Variants in RMND1 observed in about 807,000 individuals in gnomAD.
The protein encoded by RMND1 is required for meiotic nuclear division protein 1 homolog.
In RMND1, 41 loss-of-function variants were observed where a neutral mutation model predicts 54.0. The ratio of observed to expected loss-of-function variants is 0.76; its 90% confidence interval spans 0.59 to 0.98. The LOEUF is 0.98. RMND1 is among the 50% of genes least tolerant of loss of function. RMND1 has a pLI of 0.00. For synonymous variants in RMND1, 183 were observed against 181.7 expected, an observed-to-expected ratio of 1.01 and a Z score of -0.06; for missense variants, 457 against 532.0, an observed-to-expected ratio of 0.86 and a Z score of 1.39.
At chr6:151,450,182 G>A (rs1219204531) in intron 1 of RMND1, among the ~76,000 whole-genome samples, 1 of 149,090 alleles carries the variant, frequency 6.7e-6, no homozygotes, top group Non-Finnish European at 1.5e-5. Flanking sequence ...CTTCCCGGCC[G>A]CCATCCCATC....
At chr6:151,440,459 G>A (rs1031742916) in intron 2 of RMND1, among the ~76,000 whole-genome samples, 1 of 152,178 alleles carries the variant, frequency 6.6e-6, no homozygotes, top group Non-Finnish European at 1.5e-5. Context: ...CTATTTTTAT[G>A]AGAAAATATA....
intron 5 of RMND1, among the ~76,000 whole-genome samples, chr6:151,428,745 G>A (rs1486404382): frequency 2.0e-5 from 3 of 152,048 alleles, no homozygotes; most frequent in East Asian, 3.9e-4. Context: ...TGTTGTTCAG[G>A]CTGGTCTGGA....
chr6:151,412,847 A>G (rs570278181), intron 10 of RMND1, among the ~76,000 whole-genome samples: 1 of 152,294 alleles, frequency 6.6e-6, no homozygotes, highest in Non-Finnish European at 1.5e-5. Context: ...CACTGTCACA[A>G]GAACAGCACC....
intron 5 of RMND1, among the ~76,000 whole-genome samples, chr6:151,429,270 C>T (rs896585182): frequency 2.0e-5 from 3 of 151,928 alleles, no homozygotes; most frequent in African/African-American, 7.3e-5. Context: ...TACAGGTGTG[C>T]ACCACCACGC....
At position 151,433,164 on chromosome 6, in the gene RMND1, A is replaced by C. The variant is rs1184135079; in HGVS notation, c.680T>G (p.Phe227Cys). 1 of 1,609,138 alleles carries C rather than the reference A, an allele frequency of 6.2e-7. No homozygotes were observed. The highest frequency in any genetic ancestry group is 8.5e-7 in the Non-Finnish European group (1 of 1,176,390). Residue 227 changes from phenylalanine (F) to cysteine (C), a missense_variant, in exon 4 of 12, where the codon TTC (phenylalanine) becomes TGC (cysteine). Physicochemically the swap from Phe to Cys is radical, Grantham distance 205. Coordinates refer to ENST00000444024, the MANE Select transcript of RMND1 (RefSeq NM_017909.4). ...TTCTTTCCTGTCTTACCTGAAGAAG[A>C]ATATTGTTCCAGGATCACCTTCTTT... ...SAKEGDPGTI[F>C]FFREGAAVFW... is the part of the protein sequence containing the mutation.
intron 2 of RMND1, among the ~76,000 whole-genome samples, chr6:151,441,274 G>T (rs1409596054): frequency 6.6e-6 from 1 of 152,144 alleles, no homozygotes; most frequent in African/African-American, 2.4e-5. Flanking sequence ...CTTCTATAGT[G>T]ATATAATACA....
At chr6:151,423,886 C>T (rs1012092016) in intron 6 of RMND1, among the ~76,000 whole-genome samples, 1 of 151,118 alleles carries the variant, frequency 6.6e-6, no homozygotes, top group South Asian at 2.1e-4. Context: ...CTCACTCTGC[C>T]GCCCAGGCTA....
chr6:151,451,209 A>AC (rs1554348707), intron 1 of RMND1, among the ~76,000 whole-genome samples: 8 of 151,638 alleles, frequency 5.3e-5, no homozygotes, highest in Non-Finnish European at 1.2e-4. Flanking sequence ...AAAAAAAAAA[A>AC]AAAAAAAAAA....
intron 10 of RMND1, among the ~76,000 whole-genome samples, chr6:151,414,492 G>A (rs551550875): frequency 7.5e-4 from 114 of 152,180 alleles, no homozygotes; most frequent in African/African-American, 2.7e-3. Flanking sequence ...TCTGAGGTTA[G>A]GTATTATTAG....
chr6:151,422,140 T>A (rs973592266), intron 8 of RMND1, among the ~76,000 whole-genome samples: 5 of 152,204 alleles, frequency 3.3e-5, no homozygotes, highest in African/African-American at 7.2e-5. Flanking sequence ...CGGCCCTCTA[T>A]AAGTTCTGCA....
intron 1 of RMND1, among the ~76,000 whole-genome samples, chr6:151,451,785 A>T (rs1390113829): frequency 6.6e-6 from 1 of 152,144 alleles, no homozygotes; most frequent in Non-Finnish European, 1.5e-5. Context: ...CAAACTCAAA[A>T]TTATTTTATC....
intron 3 of RMND1, among the ~76,000 whole-genome samples, chr6:151,434,239 C>T (rs1179271462): frequency 6.6e-6 from 1 of 151,858 alleles, no homozygotes; most frequent in Admixed American, 6.6e-5. Context: ...AGCATATATT[C>T]CATAATATAA....
intron 1 of RMND1, among the ~76,000 whole-genome samples, chr6:151,446,800 G>C (rs942255987): frequency 6.6e-6 from 1 of 151,954 alleles, no homozygotes; most frequent in African/African-American, 2.4e-5. Flanking sequence ...TACTCAGGTG[G>C]CTGAGATATA....
At chr6:151,410,229 G>C (rs1475856598) in intron 10 of RMND1, among the ~76,000 whole-genome samples, 1 of 151,910 alleles carries the variant, frequency 6.6e-6, no homozygotes, top group Non-Finnish European at 1.5e-5. Context: ...TAATTTTTTT[G>C]TATTTTTAGT....
Position 151,427,477 on chromosome 6 carries a change from C to A in RMND1, c.830+5G>T. ...CTTTCATAAATTTGATGAAAAGTTGCTTACTCTATTTTTATGTAGTTAAGT... is the reference window on the plus strand; with the variant it reads ...CTTTCATAAATTTGATGAAAAGTTGATTACTCTATTTTTATGTAGTTAAGT... On this transcript the variant is annotated splice_donor_5th_base_variant and intron_variant, in intron 6 of 11. Coordinates refer to ENST00000444024, the MANE Select transcript of RMND1 (RefSeq NM_017909.4). 1 of 1,556,662 alleles carries A rather than the reference C, an allele frequency of 6.4e-7. No individual in the cohort carries two copies. The highest frequency in any genetic ancestry group is 8.9e-7 in the Non-Finnish European group (1 of 1,129,578).
At chr6:151,412,447 GT>G (rs759180573) in intron 10 of RMND1, among the ~76,000 whole-genome samples, 4 of 152,020 alleles carry the variant, frequency 2.6e-5, no homozygotes, top group African/African-American at 7.2e-5. Flanking sequence ...ATGAGCCACT[GT>G]GCCTGGCCCT....
chr6:151,441,779 C>T (rs1000641915), intron 2 of RMND1, among the ~76,000 whole-genome samples: 3 of 152,176 alleles, frequency 2.0e-5, no homozygotes, highest in Admixed American at 2.0e-4. Context: ...TGCACCTCTA[C>T]ATCTGGTTGT....
chr6:151,416,277 GCA>G (rs1198034557), intron 10 of RMND1, among the ~76,000 whole-genome samples: 8 of 152,250 alleles, frequency 5.3e-5, no homozygotes, highest in East Asian at 3.9e-4. Context: ...ACCGCACCTG[GCA>G]CAGTTTTGTG....
chr6:151,405,382 C>T lies in RMND1; in HGVS notation c.1318-115G>A, dbSNP rs972396829. 12 of 992,014 alleles carry T rather than the reference C, an allele frequency of 1.2e-5. No homozygotes were observed. In the Admixed American group the frequency reaches 2.5e-4, roughly 21 times the overall value. 61.5% of individuals were successfully genotyped at this position (992,014 alleles called of 1,614,324 possible). A position where few individuals can be genotyped will look rare whatever the true frequency, so the allele number is the denominator to read the frequency against. The stretch of plus-strand genomic sequence containing the variant: ...CTCCTGAAGTAAGGTAAATGTTTGC[C>T]CTTTCTCACGTGGCAACCTATGAAT... On this transcript the variant is annotated intron_variant, in intron 11 of 11. Coordinates refer to ENST00000444024, the MANE Select transcript of RMND1 (RefSeq NM_017909.4).
Sources: allele counts gnomAD v4.1 joint callset (sites outside exome capture counted in the v4.1 genomes callset), GRCh38; gene constraint gnomAD v4.1.1; transcripts MANE v1.5; gene names NCBI Gene and HGNC (gene_info 2026-07-23, HGNC 2026-07-21).